TPTE2: variants seen among roughly 807,000 people sequenced by gnomAD.
The protein encoded by TPTE2 is phosphatidylinositol 3,4,5-trisphosphate 3-phosphatase TPTE2.
TPTE2 carries 53 observed loss-of-function variants against 78.6 expected under a neutral mutation model. The ratio of observed to expected loss-of-function variants is 0.67; its 90% CI spans 0.54 to 0.85. TPTE2 has a LOEUF of 0.85. Among genes scored for constraint, TPTE2 ranks in the 40% least tolerant of loss-of-function variants. TPTE2 has a pLI of 0.00. For synonymous variants in TPTE2, 175 were observed against 206.2 expected (o/e 0.85, Z 1.30); for missense variants, 461 against 623.0 (o/e 0.74, Z 2.77).
intron 1 of TPTE2, among the ~76,000 whole-genome samples, chr13:19,531,614 CA>C (rs1187361149): frequency 2.2e-5 from 3 of 136,938 alleles, no homozygotes; most frequent in Non-Finnish European, 4.8e-5. Flanking sequence ...AATAACATAA[CA>C]ATTAGGTATT....
intron 4 of TPTE2, among the ~76,000 whole-genome samples, chr13:19,479,680 G>A (rs892272001): frequency 4.6e-5 from 7 of 152,072 alleles, no homozygotes; most frequent in African/African-American, 1.7e-4. Flanking sequence ...TAAAGAGATA[G>A]AGGCCAGGCG....
intron 4 of TPTE2, among the ~76,000 whole-genome samples, chr13:19,480,994 C>T (rs1880314437): frequency 6.6e-6 from 1 of 152,148 alleles, no homozygotes; most frequent in South Asian, 2.1e-4. Context: ...TGAAATATTA[C>T]ACAACTGTTG....
At chr13:19,446,597 C>G (rs1203930899) in intron 13 of TPTE2, among the ~76,000 whole-genome samples, 1 of 152,060 alleles carries the variant, frequency 6.6e-6, no homozygotes, top group Non-Finnish European at 1.5e-5. Flanking sequence ...GACAGAAAAG[C>G]ATGAAATACA....
In TPTE2 at chr13:19,452,986, ATTTAT is replaced by A. The variant is rs201604917; in HGVS notation, c.742-1766_742-1762del. ...ATTTTATTTTATTTTATTTTATTTTATTTATTTTATTTTATTTTATTTTATGTTAT... is the reference window on the plus strand; with the variant it reads ...ATTTTATTTTATTTTATTTTATTTTATTTATTTTATTTTATTTTATGTTAT... On this transcript the variant is annotated intron_variant, in intron 10 of 19. Transcript: ENST00000400230. 1.1e-3 allele frequency among the ~76,000 whole-genome samples: 22 copies of A among 19,948 alleles called. 1 individual carries two copies. The South Asian group carries it at 0.056, about 50-fold the overall frequency. 13.1% of individuals were successfully genotyped at this position (19,948 alleles called of 152,430 possible). A position where few individuals can be genotyped will look rare whatever the true frequency, so the allele number is the denominator to read the frequency against.
At chr13:19,534,274 G>A (rs1287881999) in intron 1 of TPTE2, among the ~76,000 whole-genome samples, 1 of 152,200 alleles carries the variant, frequency 6.6e-6, no homozygotes, top group African/African-American at 2.4e-5. Context: ...ATGGGGACTT[G>A]AAGTATGGTT....
chr13:19,439,516 G>A (rs761825402), intron 13 of TPTE2, among the ~76,000 whole-genome samples: 3 of 152,160 alleles, frequency 2.0e-5, no homozygotes, highest in Non-Finnish European at 4.4e-5. Context: ...AGCATCTCCA[G>A]ATAAGAAGGA....
intron 1 of TPTE2, among the ~76,000 whole-genome samples, chr13:19,501,392 C>T (rs1868538577): frequency 7.7e-6 from 1 of 129,314 alleles, no homozygotes; most frequent in Non-Finnish European, 1.6e-5. Flanking sequence ...CACTACCTGA[C>T]TTCAAACTAT....
At chr13:19,559,424 G>C in the TPTE2 span, among the ~76,000 whole-genome samples, 1 of 151,844 alleles carries the variant, frequency 6.6e-6, no homozygotes, top group Non-Finnish European at 1.5e-5. Context: ...TGTTCTGCAG[G>C]GCATAGAGGC....
chr13:19,454,559 C>T (rs1294801938), intron 10 of TPTE2, among the ~76,000 whole-genome samples: 1 of 152,062 alleles, frequency 6.6e-6, no homozygotes, highest in Non-Finnish European at 1.5e-5. Flanking sequence ...GGTAGATTTG[C>T]TTTTTGAGTG....
At chr13:19,511,656 A>G (rs1237565683) in intron 1 of TPTE2, among the ~76,000 whole-genome samples, 1 of 152,142 alleles carries the variant, frequency 6.6e-6, no homozygotes, top group Non-Finnish European at 1.5e-5. Flanking sequence ...AGCCAAAGGA[A>G]CACAGGGGCT....
the TPTE2 span, among the ~76,000 whole-genome samples, chr13:19,542,638 T>TG: frequency 6.2e-3 from 945 of 152,198 alleles, 7 homozygotes; most frequent in Middle Eastern, 0.027. Context: ...TGTTCCTTTT[T>TG]GGGGGGTAAT....
the TPTE2 span, among the ~76,000 whole-genome samples, chr13:19,544,928 GCACACT>G: frequency 1.7e-3 from 186 of 107,210 alleles, no homozygotes; most frequent in Non-Finnish European, 2.5e-3. Flanking sequence ...ACACACACGT[GCACACT>G]CACACACACA....
chr13:19,545,720 TAACA>T, the TPTE2 span, among the ~76,000 whole-genome samples: 5 of 152,236 alleles, frequency 3.3e-5, no homozygotes, highest in Non-Finnish European at 7.3e-5. Flanking sequence ...TTCATGCATC[TAACA>T]AACAGCTTTT....
intron 14 of TPTE2, among the ~76,000 whole-genome samples, chr13:19,437,391 T>C (rs944754454): frequency 2.6e-5 from 4 of 152,176 alleles, no homozygotes; most frequent in Non-Finnish European, 4.4e-5. Flanking sequence ...GACTGAGAAC[T>C]CTGCTTTAAG....
intron 3 of TPTE2, among the ~76,000 whole-genome samples, chr13:19,485,115 C>T (rs542745122): frequency 2.6e-5 from 4 of 152,234 alleles, no homozygotes; most frequent in South Asian, 2.1e-4. Flanking sequence ...TCATTCCTTT[C>T]TCTTTCTCCT....
chr13:19,486,346 G>T lies in TPTE2; in HGVS notation c.120-3799C>A, dbSNP rs1880659726. Among the ~76,000 whole-genome samples, 1 of 152,220 alleles carries T rather than the reference G, an allele frequency of 6.6e-6. No homozygotes were observed. The highest frequency in any genetic ancestry group is 2.4e-5 in the African/African-American group (1 of 41,454). On this transcript the variant is annotated intron_variant, in intron 3 of 19. Coordinates refer to ENST00000400230, the Ensembl canonical transcript of TPTE2. This position sits in a 1 kb window ranked among gnomAD's most constrained non-coding sequence, Gnocchi z 4.3. ...GGAAGTTTGTGGTGATGGTGGTGCA[G>T]CCTTGCCAGGGGTGGGCTCACTGGG...
chr13:19,524,637 G>A lies in TPTE2; in HGVS notation c.-44+11959C>T, dbSNP rs140622391. 1.6e-4 allele frequency among the ~76,000 whole-genome samples: 24 copies of A among 152,288 alleles called. No homozygotes were observed. The East Asian group carries it at 1.9e-3, about 12-fold the overall frequency. ...AACAAACTTTATACTCAGGAAGCAG[G>A]TTTAAAAGTATGTTTAAAGTGAAAA... On this transcript the variant is annotated intron_variant, in intron 1 of 17. Coordinates refer to the TPTE2 transcript ENST00000390680.
At chr13:19,538,788 A>AT (rs1465830210), upstream of TPTE2, among the ~76,000 whole-genome samples, 1 of 152,164 alleles carries the variant, frequency 6.6e-6, no homozygotes, top group African/African-American at 2.4e-5. Context: ...AAGTGCTTGG[A>AT]TTACAGGTAT....
upstream of TPTE2, among the ~76,000 whole-genome samples, chr13:19,508,012 G>C (rs1309941665): frequency 6.6e-6 from 1 of 152,034 alleles, no homozygotes; most frequent in Non-Finnish European, 1.5e-5. Context: ...GGAGTTGCCT[G>C]GTCAGTGTTT....
Sources: gnomAD v4.1 joint callset for allele counts (sites outside exome capture counted in the v4.1 genomes callset) on GRCh38, gnomAD v4.1.1 for gene constraint, Gnocchi (gnomAD v3.1) non-coding constraint, MANE v1.5 for transcripts, NCBI Gene and HGNC (gene_info 2026-07-23, HGNC 2026-07-21) for gene names.